Variants in AGAP3 observed in about 807,000 individuals in gnomAD.
The protein encoded by AGAP3 is arf-GAP with GTPase, ANK repeat and PH domain-containing protein 3.
A neutral mutation model predicts 96.9 loss-of-function variants in AGAP3; 24 were observed. The observed-to-expected ratio is 0.25, with a 90% CI of 0.18 to 0.35. The LOEUF is 0.35. AGAP3 is among the 10% of genes least tolerant of loss of function. The pLI, the probability that AGAP3 is intolerant of heterozygous loss-of-function variation, is 1.00. For missense variants in AGAP3, 876 were observed against 1,254.2 expected, an observed-to-expected ratio of 0.70 and a Z score of 4.55; for synonymous variants, 563 against 536.1, an observed-to-expected ratio of 1.05 and a Z score of -0.69.
In AGAP3 at chr7:151,140,029, C is replaced by G. The variant is rs1327371658; in HGVS notation, c.1717C>G (p.Pro573Ala). The G allele has an allele frequency of 1.2e-6, 2 of 1,603,254 alleles. No individual in the cohort carries two copies. Among genetic ancestry groups the G allele is most frequent in the Non-Finnish European group, 1.7e-6 (2 of 1,175,514 alleles). ...LSSSPKLDPP[P>A]SPHSNRKKHR... Reference sequence around the variant, plus strand: ...TTCCAGCCCCAAGCTGGATCCTCCCCCATCTCCCCACTCCAACCGGAAGAA... The same window carrying G: ...TTCCAGCCCCAAGCTGGATCCTCCCGCATCTCCCCACTCCAACCGGAAGAA... The change falls in exon 13 of 18, where the codon CCA (proline) becomes GCA (alanine). Residue 573 changes from proline to alanine, a missense_variant. Pro to Ala is a conservative substitution (Grantham distance 27, BLOSUM62 -1). Around this residue, in one of 8 missense-constraint regions of AGAP3, gnomAD observed 155 missense variants for 144.4 expected, o/e 1.07. Coordinates refer to ENST00000397238, the MANE Select transcript of AGAP3 (RefSeq NM_031946.7). The surrounding 1 kb of genome is among the most constrained non-coding windows in gnomAD (Gnocchi z 5.4).
chr7:151,106,446 C>A (rs1799057515), intron 1 of AGAP3, among the ~76,000 whole-genome samples: 1 of 152,138 alleles, frequency 6.6e-6, no homozygotes, highest in East Asian at 1.9e-4. Context: ...GATCCTCTCA[C>A]CTTAGGACTA....
At position 151,142,331 on chromosome 7, in the gene AGAP3, G is replaced by A. The variant is rs987893421; in HGVS notation, c.2050+78G>A. 24 of 1,594,166 alleles carry A rather than the reference G, an allele frequency of 1.5e-5. No individual in the cohort carries two copies. The Admixed American group carries it at 4.0e-4, about 27-fold the overall frequency. ...CGCAAGCATCAGGGAGCAGGGAAGA[G>A]GGCAGGGAAGCCTTCCCTAGTTGTC... On this transcript the variant is annotated intron_variant, in intron 15 of 17. Transcript: ENST00000397238. The surrounding 1 kb of genome is among the most constrained non-coding windows in gnomAD (Gnocchi z 7.5).
chr7:151,129,057 T>C (rs1800297463), intron 10 of AGAP3, among the ~76,000 whole-genome samples: 1 of 151,920 alleles, frequency 6.6e-6, no homozygotes, highest in African/African-American at 2.4e-5. Flanking sequence ...ACCAGGGCTG[T>C]TGAGAATGGG....
intron 1 of AGAP3, 105 bp downstream of exon 1, chr7:151,087,177 C>A (rs749839366): frequency 1.5e-5 from 19 of 1,271,258 alleles, no homozygotes; most frequent in Non-Finnish European, 2.0e-5. Flanking sequence ...GTCGGGGGTC[C>A]TTGCGCGCTT....
rs1177936910 is a variant in AGAP3 at position 151,144,033 on chromosome 7, G to A, written c.*90G>A. ...CACTGTGGGAACAGACACAGAGATG[G>A]AGAAGCAGGGACATGCTGAGAGGAC... is the stretch of plus-strand genomic sequence containing the variant. On this transcript the variant is annotated 3_prime_UTR_variant, in exon 18 of 18. Transcript: ENST00000397238. 3.7e-6 allele frequency: 5 copies of A among 1,351,418 alleles called. No individual in the cohort carries two copies. Among genetic ancestry groups the A allele is most frequent in the Non-Finnish European group, 5.1e-6 (5 of 976,318 alleles). The allele number at this position is 1,351,418 out of a possible 1,614,324, so 83.7% of individuals were successfully genotyped here.
At chr7:151,094,749 G>C (rs186816316) in intron 1 of AGAP3, among the ~76,000 whole-genome samples, 2 of 148,176 alleles carry the variant, frequency 1.3e-5, no homozygotes, top group Admixed American at 6.7e-5. Flanking sequence ...TCCTGGCCTC[G>C]AGTGATCTTC....
chr7:151,138,545 C>T (rs1800693599), intron 12 of AGAP3, among the ~76,000 whole-genome samples: 1 of 152,194 alleles, frequency 6.6e-6, no homozygotes, highest in Non-Finnish European at 1.5e-5. Flanking sequence ...CCTCCATGTG[C>T]AGCCCTTTTC....
chr7:151,141,938 T>G lies in AGAP3; in HGVS notation c.1845T>G (p.Thr615=). 1 of 1,554,424 alleles carries G rather than the reference T, an allele frequency of 6.4e-7. No homozygotes were observed. Among genetic ancestry groups the G allele is most frequent in the Non-Finnish European group, 8.8e-7 (1 of 1,142,546 alleles). Residue 615 remains threonine, a synonymous_variant, in exon 14 of 18, where the codon ACT becomes ACG. Transcript: ENST00000397238. This position sits in a 1 kb window ranked among gnomAD's most constrained non-coding sequence, Gnocchi z 4.2. The part of the protein sequence containing the change: ...ESFEFVVVSL[T]GQTWHFEAST... Reference sequence around the variant, plus strand: ...TTGAATTTGTGGTGGTGTCCCTCACTGGGCAGACGTGGCACTTCGAGGCTT... The same window carrying G: ...TTGAATTTGTGGTGGTGTCCCTCACGGGGCAGACGTGGCACTTCGAGGCTT...
chr7:151,143,721 G>A lies in AGAP3; in HGVS notation c.2530-16G>A, dbSNP rs1236616684. ...CCCATGTCTTGCCAACTGTCAACAT[G>A]TGTTTTCTCCTACAGTACGGGGTGG... On this transcript the variant is annotated splice_polypyrimidine_tract_variant and intron_variant, in intron 17 of 17. Transcript: ENST00000397238. This position sits in a 1 kb window ranked among gnomAD's most constrained non-coding sequence, Gnocchi z 5.9. 2 of 1,614,024 alleles carry A rather than the reference G, an allele frequency of 1.2e-6. No homozygotes were observed. Among genetic ancestry groups the A allele is most frequent in the Non-Finnish European group, 1.7e-6 (2 of 1,179,920 alleles).
intron 8 of AGAP3, chr7:151,123,009 G>A (rs985102905): frequency 1.1e-4 from 151 of 1,398,058 alleles, no homozygotes; most frequent in Non-Finnish European, 1.3e-4. Flanking sequence ...GACGCTGCAG[G>A]CTCGCTGCAT....
intron 1 of AGAP3, among the ~76,000 whole-genome samples, chr7:151,098,795 C>T (rs1341866340): frequency 7.3e-6 from 1 of 137,692 alleles, no homozygotes; most frequent in Non-Finnish European, 1.5e-5. Flanking sequence ...TGCAGTGGTG[C>T]AGTCTTGGCT....
chr7:151,123,439 C>T (rs569805445), intron 8 of AGAP3: 46 of 1,129,884 alleles, frequency 4.1e-5, no homozygotes, highest in Non-Finnish European at 4.3e-5. Context: ...TTTGCGCTCC[C>T]GGTTGTCGCG....
chr7:151,114,950 G>A lies in AGAP3; in HGVS notation c.332-1843G>A, dbSNP rs1246738795. The stretch of plus-strand genomic sequence containing the variant: ...AGCAGCCGGCGCGGCCGCGGAGCGT[G>A]TGCTCGGGCGGCCCGGAGCCGCCGC... On this transcript the variant is annotated intron_variant, in intron 1 of 17. Coordinates refer to ENST00000397238, the MANE Select transcript of AGAP3 (RefSeq NM_031946.7). The surrounding 1 kb of genome is among the most constrained non-coding windows in gnomAD (Gnocchi z 4.4). 1 of 983,460 alleles carries A rather than the reference G, an allele frequency of 1.0e-6. No homozygotes were observed. Among genetic ancestry groups the A allele is most frequent in the Non-Finnish European group, 1.2e-6 (1 of 830,626 alleles). 60.9% of individuals were successfully genotyped at this position (983,460 alleles called of 1,614,324 possible). A position where few individuals can be genotyped will look rare whatever the true frequency, so the allele number is the denominator to read the frequency against.
intron 1 of AGAP3, chr7:151,115,567 G>A: frequency 8.8e-7 from 1 of 1,139,630 alleles, no homozygotes; most frequent in Non-Finnish European, 1.1e-6. Context: ...TTCCGCCGGA[G>A]GGAGCCCGCG....
chr7:151,113,748 T>C (rs1799403902), intron 1 of AGAP3, among the ~76,000 whole-genome samples: 1 of 152,234 alleles, frequency 6.6e-6, no homozygotes, highest in Non-Finnish European at 1.5e-5. Context: ...GGGAGAGGAC[T>C]GATGTTTACA....
chr7:151,123,576 C>G, intron 8 of AGAP3: 4 of 1,384,006 alleles, frequency 2.9e-6, no homozygotes, highest in Non-Finnish European at 3.7e-6. Context: ...GGGGCGGGCC[C>G]GGCTCAGTGA....
chr7:151,116,706 A>G, intron 1 of AGAP3, 87 bp from the exon 2 acceptor site: 2 of 1,475,712 alleles, frequency 1.4e-6, no homozygotes, highest in Non-Finnish European at 1.9e-6. Context: ...GGGCTTGGGG[A>G]GGGCATCATA....
At chr7:151,088,963 C>T (rs1269468720) in intron 1 of AGAP3, among the ~76,000 whole-genome samples, 1 of 152,142 alleles carries the variant, frequency 6.6e-6, no homozygotes, top group African/African-American at 2.4e-5. Flanking sequence ...ATCCCGGGAG[C>T]CGGTGTCTCA....
intron 1 of AGAP3, chr7:151,115,354 G>C: frequency 2.0e-6 from 2 of 1,021,792 alleles, no homozygotes; most frequent in South Asian, 4.4e-5. Context: ...TTCCGCCTGC[G>C]CCGCGGCCAG....
Sources: allele counts gnomAD v4.1 joint callset (sites outside exome capture counted in the v4.1 genomes callset), GRCh38; gene constraint gnomAD v4.1.1; regional missense constraint gnomAD v4.1.1; non-coding constraint Gnocchi (gnomAD v3.1); transcripts MANE v1.5; gene names NCBI Gene and HGNC (gene_info 2026-07-23, HGNC 2026-07-21).